Variants in MX1 observed in about 807,000 individuals in gnomAD.
The protein encoded by MX1 is MX dynamin like GTPase 1, also known as interferon-induced GTP-binding protein Mx1.
In MX1, 66 loss-of-function variants were observed where a neutral mutation model predicts 66.4. The ratio of observed to expected loss-of-function variants is 0.99; its 90% CI spans 0.82 to 1.22. The LOEUF is 1.22. Among genes scored for constraint, MX1 ranks in the 50% most tolerant of loss-of-function variants. The pLI, the probability that MX1 is intolerant of heterozygous loss-of-function variation, is 0.00. For missense variants in MX1, 787 were observed against 834.3 expected (o/e 0.94, Z 0.70); for synonymous variants, 311 against 318.1 (o/e 0.98, Z 0.24).
intron 12 of MX1, 103 bp from the exon 13 acceptor site, chr21:41,445,897 C>G: frequency 1.4e-6 from 2 of 1,434,414 alleles, no homozygotes; most frequent in Non-Finnish European, 9.5e-7. Context: ...CATAAGAAAG[C>G]AAAGAATGAC....
upstream of MX1, among the ~76,000 whole-genome samples, chr21:41,421,668 T>C (rs1206300500): frequency 6.6e-6 from 1 of 152,142 alleles, no homozygotes; most frequent in Non-Finnish European, 1.5e-5. Context: ...TAACCCTGAG[T>C]GGACACAGCA....
intron 14 of MX1, among the ~76,000 whole-genome samples, chr21:41,450,573 G>A (rs2090795226): frequency 6.6e-6 from 1 of 151,980 alleles, no homozygotes; most frequent in Admixed American, 6.6e-5. Flanking sequence ...TCATTCCAGA[G>A]GAAAGTTTAT....
In MX1 at chr21:41,435,901, A is replaced by T; in HGVS notation, c.170A>T (p.Asp57Val). 1.9e-6 allele frequency: 3 copies of T among 1,614,052 alleles called. No individual in the cohort carries two copies. Among genetic ancestry groups the T allele is most frequent in the Non-Finnish European group, 2.5e-6 (3 of 1,179,992 alleles). ...GTGCGCCCCTGCATCGACCTCATTG[A>T]CTCCCTGCGGGCTCTAGGTGTGGAG... ...EKVRPCIDLI[D>V]SLRALGVEQD... Residue 57 changes from aspartate to valine, a missense_variant, in exon 6 of 17, where the codon GAC (aspartate) becomes GTC (valine). Physicochemically the swap from Asp to Val is radical, Grantham distance 152 (BLOSUM62 -3). Coordinates refer to ENST00000398598, the MANE Select transcript of MX1 (RefSeq NM_002462.5).
intron 16 of MX1, 35 bp from the exon 17 acceptor site, chr21:41,458,493 C>T: frequency 2.5e-6 from 4 of 1,612,454 alleles, no homozygotes; most frequent in Non-Finnish European, 3.4e-6. Context: ...CACAGTGTCC[C>T]CTCCACCCTC....
chr21:41,433,871 T>G (rs1027689897), intron 5 of MX1, among the ~76,000 whole-genome samples: 1 of 152,206 alleles, frequency 6.6e-6, no homozygotes, highest in African/African-American at 2.4e-5. Context: ...AGTTATAAGG[T>G]GAACTAAGAC....
intron 7 of MX1, among the ~76,000 whole-genome samples, chr21:41,438,460 GTCTGTGTGGTCTCTCACCC>G (rs2090423228): frequency 6.6e-6 from 1 of 152,154 alleles, no homozygotes; most frequent in African/African-American, 2.4e-5. Context: ...CGGGCCTTCT[GTCTGTGTGGTCTCTCACCC>G]TCCAGAAGGC....
Position 41,446,158 on chromosome 21 carries a change from C to T in MX1, c.1273+17C>T, listed in dbSNP as rs1287494676. ...TTCAAGAAGGTGAGTGTCTTAGTCC[C>T]TTCTTTTGGGCTGCTACAACCGAAT... On this transcript the variant is annotated intron_variant, in intron 13 of 16. Coordinates refer to ENST00000398598, the MANE Select transcript of MX1 (RefSeq NM_002462.5). 1 of 1,609,084 alleles carries T rather than the reference C, an allele frequency of 6.2e-7. No individual in the cohort carries two copies. The highest frequency in any genetic ancestry group is 1.1e-5 in the South Asian group (1 of 90,548).
At chr21:41,457,712 A>C (rs1165055741) in intron 16 of MX1, among the ~76,000 whole-genome samples, 1 of 152,118 alleles carries the variant, frequency 6.6e-6, no homozygotes, top group Non-Finnish European at 1.5e-5. Flanking sequence ...CATCATGTCT[A>C]TTTTGCCATC....
rs1460266794 is a variant in MX1, at chr21:41,443,848, G to A, written c.990G>A (p.Glu330=). 6.2e-7 allele frequency: 1 copy of A among 1,614,216 alleles called. No homozygotes were observed. The highest frequency in any genetic ancestry group is 8.5e-7 in the Non-Finnish European group (1 of 1,180,018). ...GCCTGGCAGAAAAACTTACCAGCGA[G>A]CTCATCACACATATCTGTGTAAGCA... ...VPCLAEKLTS[E]LITHICKSLP... The change falls in exon 11 of 17, where the codon GAG becomes GAA. Residue 330 remains glutamate (E), a synonymous_variant. Transcript: ENST00000398598.
At chr21:41,444,448 T>A (rs1337275161) in intron 11 of MX1, among the ~76,000 whole-genome samples, 1 of 148,178 alleles carries the variant, frequency 6.7e-6, no homozygotes, top group Non-Finnish European at 1.5e-5. Flanking sequence ...TACCTCAGCC[T>A]CCTGAGTAGC....
chr21:41,428,785 A>C (rs371788067), intron 3 of MX1: 2 of 152,378 alleles, frequency 1.3e-5, no homozygotes, highest in South Asian at 2.1e-4. Context: ...TATTGTTTCT[A>C]AAGAAAGAAA....
chr21:41,433,471 G>A (rs959330446), intron 5 of MX1, among the ~76,000 whole-genome samples: 5 of 152,214 alleles, frequency 3.3e-5, no homozygotes, highest in Admixed American at 3.3e-4. Context: ...ATTCTATACA[G>A]TAGTAAAGAG....
chr21:41,424,438 A>G (rs1013930554), upstream of MX1, among the ~76,000 whole-genome samples: 1 of 152,202 alleles, frequency 6.6e-6, no homozygotes, highest in African/African-American at 2.4e-5. Flanking sequence ...TAGGTGCAGC[A>G]GTATTGAATT....
chr21:41,457,026 C>T (rs2090976835), intron 16 of MX1, among the ~76,000 whole-genome samples: 1 of 152,206 alleles, frequency 6.6e-6, no homozygotes, highest in Non-Finnish European at 1.5e-5. Flanking sequence ...TACCAAAGTG[C>T]TGGGTTTACA....
At chr21:41,424,226 AGTGTGTGTGTGTGTGT>A (rs3037030), upstream of MX1, among the ~76,000 whole-genome samples, 1 of 146,216 alleles carries the variant, frequency 6.8e-6, no homozygotes, top group Non-Finnish European at 1.5e-5. Flanking sequence ...AGAGGGGTTG[AGTGTGTGTGTGTGTGT>A]GTGTGTGTGT....
At chr21:41,458,178 C>T (rs771708740) in intron 16 of MX1, among the ~76,000 whole-genome samples, 10 of 152,116 alleles carry the variant, frequency 6.6e-5, no homozygotes, top group African/African-American at 1.7e-4. Context: ...AGTAGAGACG[C>T]GGTTTCACCA....
intron 8 of MX1, among the ~76,000 whole-genome samples, 159 bp downstream of exon 8, chr21:41,440,007 G>A (rs966474716): frequency 2.6e-5 from 4 of 152,162 alleles, no homozygotes; most frequent in African/African-American, 9.7e-5. Context: ...TAGAGAGCCC[G>A]TTGGTCACAG....
chr21:41,444,589 G>A (rs1189577244), intron 11 of MX1, among the ~76,000 whole-genome samples: 2 of 151,938 alleles, frequency 1.3e-5, no homozygotes, highest in Non-Finnish European at 2.9e-5. Flanking sequence ...GGTCTTCCAC[G>A]TGGTCCCCAG....
At chr21:41,454,607 C>T (rs529380475) in intron 16 of MX1, among the ~76,000 whole-genome samples, 5 of 152,280 alleles carry the variant, frequency 3.3e-5, no homozygotes, top group Admixed American at 1.3e-4. Flanking sequence ...GAAGCTATCG[C>T]GTAGACACAT....
Sources: allele counts gnomAD v4.1 joint callset (sites outside exome capture counted in the v4.1 genomes callset), GRCh38; gene constraint gnomAD v4.1.1; transcripts MANE v1.5; gene names NCBI Gene and HGNC (gene_info 2026-07-23, HGNC 2026-07-21).